The following ULK4 variants were observed in gnomAD, a reference collection of about 807,000 sequenced individuals.
ULK4 encodes inactive serine/threonine-protein kinase ULK4.
Under a neutral mutation model 160.6 loss-of-function variants are expected in ULK4, and 133 were observed. That is an observed-to-expected ratio of 0.83 (90% CI 0.72 to 0.96). The LOEUF is 0.96. ULK4 is among the 40% of genes least tolerant of loss of function. The pLI, the probability that ULK4 is intolerant of heterozygous loss-of-function variation, is 0.00. For synonymous variants in ULK4, 534 were observed against 539.8 expected (o/e 0.99, Z 0.15); for missense variants, 1,580 against 1,499.5 (o/e 1.05, Z -0.89).
intron 35 of ULK4, among the ~76,000 whole-genome samples, chr3:41,310,401 A>G (rs1198855337): frequency 6.6e-6 from 1 of 152,220 alleles, no homozygotes; most frequent in African/African-American, 2.4e-5. Context: ...AAGAGGAAAT[A>G]AAGGTATATA....
intron 17 of ULK4, among the ~76,000 whole-genome samples, chr3:41,858,965 C>T (rs2042436173): frequency 1.3e-5 from 2 of 152,138 alleles, no homozygotes; most frequent in African/African-American, 4.8e-5. Context: ...TGGAGTATTA[C>T]TTGTCTTGCA....
chr3:41,737,303 AC>A (rs1452627356), intron 22 of ULK4, among the ~76,000 whole-genome samples: 5 of 152,014 alleles, frequency 3.3e-5, no homozygotes, highest in Non-Finnish European at 7.3e-5. Context: ...AATCCAACTT[AC>A]AAGGGATGTC....
chr3:41,476,896 C>A (rs1218189921), intron 32 of ULK4, among the ~76,000 whole-genome samples: 1 of 152,100 alleles, frequency 6.6e-6, no homozygotes, highest in East Asian at 1.9e-4. Flanking sequence ...TCAAAGCCAC[C>A]TTTGTCTCCA....
At chr3:41,326,467 T>TAC (rs2080341144) in intron 35 of ULK4, among the ~76,000 whole-genome samples, 1 of 147,100 alleles carries the variant, frequency 6.8e-6, no homozygotes, top group African/African-American at 2.6e-5. Context: ...TATATATATA[T>TAC]ATACATACAA....
intron 35 of ULK4, among the ~76,000 whole-genome samples, chr3:41,379,887 A>T (rs2081608337): frequency 6.6e-6 from 1 of 152,190 alleles, no homozygotes; most frequent in Non-Finnish European, 1.5e-5. Context: ...CAGAGGATAC[A>T]TATTACATAA....
intron 12 of ULK4, among the ~76,000 whole-genome samples, chr3:41,901,219 C>A (rs961224245): frequency 4.2e-5 from 6 of 144,512 alleles, no homozygotes; most frequent in African/African-American, 1.3e-4. Context: ...TCGCTCTGTC[C>A]CCCAGGCTGG....
chr3:41,642,116 C>T (rs929796982), intron 30 of ULK4, among the ~76,000 whole-genome samples: 22 of 152,056 alleles, frequency 1.4e-4, no homozygotes, highest in African/African-American at 4.6e-4. Flanking sequence ...TCAGGTGATC[C>T]GCCTGCCTAG....
intron 21 of ULK4, among the ~76,000 whole-genome samples, chr3:41,756,821 A>C (rs1319732940): frequency 6.6e-6 from 1 of 152,236 alleles, no homozygotes; most frequent in Non-Finnish European, 1.5e-5. Context: ...ACTTCAAAAT[A>C]AACACCAAAC....
At chr3:41,891,898 C>T (rs1265820377) in intron 16 of ULK4, among the ~76,000 whole-genome samples, 3 of 152,116 alleles carry the variant, frequency 2.0e-5, no homozygotes, top group Non-Finnish European at 1.5e-5. Context: ...GAGCGAGACT[C>T]CGTCTCAAAC....
intron 30 of ULK4, among the ~76,000 whole-genome samples, chr3:41,638,087 C>T (rs2034032560): frequency 6.6e-6 from 1 of 151,980 alleles, no homozygotes. Flanking sequence ...GCTTTGAGTT[C>T]AAAGATATAC....
intron 32 of ULK4, among the ~76,000 whole-genome samples, chr3:41,533,091 G>A (rs981622900): frequency 2.0e-5 from 3 of 152,312 alleles, no homozygotes; most frequent in Admixed American, 6.5e-5. Flanking sequence ...AAGAGATCAT[G>A]TAGAGAGAGA....
At chr3:41,453,288 G>C (rs1263906046) in intron 34 of ULK4, among the ~76,000 whole-genome samples, 2 of 152,086 alleles carry the variant, frequency 1.3e-5, no homozygotes, top group East Asian at 3.9e-4. Flanking sequence ...CAATCCTCAA[G>C]CCTCAGCCTC....
intron 19 of ULK4, among the ~76,000 whole-genome samples, chr3:41,818,427 T>A (rs952582451): frequency 1.3e-5 from 2 of 152,256 alleles, no homozygotes; most frequent in African/African-American, 4.8e-5. Flanking sequence ...AATTTTTTCA[T>A]CTGTGTGCCT....
At chr3:41,879,089 A>C (rs2125699454) in intron 17 of ULK4, among the ~76,000 whole-genome samples, 1 of 152,356 alleles carries the variant, frequency 6.6e-6, no homozygotes, top group East Asian at 1.9e-4. Flanking sequence ...CTAAAAAATA[A>C]GAGACCAGGA....
chr3:41,454,176 T>C (rs2083486055), intron 34 of ULK4, among the ~76,000 whole-genome samples: 1 of 138,896 alleles, frequency 7.2e-6, no homozygotes, highest in Non-Finnish European at 1.5e-5. Flanking sequence ...TAAAGTATAA[T>C]TAAAAAAAAA....
intron 34 of ULK4, among the ~76,000 whole-genome samples, chr3:41,404,226 A>ATTTTTTTTTTTTTTTTTTTCTT (rs60508995): frequency 7.6e-6 from 1 of 131,864 alleles, no homozygotes; most frequent in Non-Finnish European, 1.6e-5. Context: ...TAGCTCTATC[A>ATTTTTTTTTTTTTTTTTTTCTT]TTTTTTTTTT....
At chr3:41,736,116 A>C (rs1376910637) in intron 22 of ULK4, among the ~76,000 whole-genome samples, 4 of 151,352 alleles carry the variant, frequency 2.6e-5, no homozygotes, top group Non-Finnish European at 5.9e-5. Context: ...GTTGGTTTCA[A>C]GTCTTTGCTA....
rs1224446885 is a variant in ULK4 at position 41,511,276 on chromosome 3, G to GA, written c.3227-48024dup. ...CAAACCAAAACACAGCAGAAGAAAA[G>GA]AAATAACAAAGATCAGAGCAAAACT... is the stretch of plus-strand genomic sequence containing the variant. On this transcript the variant is annotated intron_variant, in intron 32 of 36. Transcript: ENST00000301831. 2.0e-5 allele frequency among the ~76,000 whole-genome samples: 3 copies of GA among 150,270 alleles called. No individual in the cohort carries two copies. In the East Asian group the frequency reaches 5.9e-4, roughly 30 times the overall value.
intron 32 of ULK4, among the ~76,000 whole-genome samples, chr3:41,516,752 A>G (rs2085762815): frequency 6.6e-6 from 1 of 152,176 alleles, no homozygotes; most frequent in Non-Finnish European, 1.5e-5. Flanking sequence ...AACAGAATAA[A>G]TAAGACCTAC....
Sources: allele counts gnomAD v4.1 joint callset (sites outside exome capture counted in the v4.1 genomes callset), GRCh38; gene constraint gnomAD v4.1.1; transcripts MANE v1.5; gene names NCBI Gene and HGNC (gene_info 2026-07-23, HGNC 2026-07-21).